EGLN3: variants seen among roughly 807,000 people sequenced by gnomAD.
EGLN3 encodes prolyl hydroxylase EGLN3.
In EGLN3, 15 loss-of-function variants were observed where a neutral mutation model predicts 26.0. That is an observed-to-expected ratio of 0.58 (90% CI 0.39 to 0.89). EGLN3 has a LOEUF of 0.89. Ranked by LOEUF, EGLN3 falls within the 40% of genes least tolerant of loss-of-function variation. EGLN3 has a pLI of 0.00. For synonymous variants in EGLN3, 147 were observed against 127.2 expected (o/e 1.16, Z -1.05); for missense variants, 238 against 311.6 (o/e 0.76, Z 1.78).
intron 1 of EGLN3, among the ~76,000 whole-genome samples, chr14:33,936,769 GAA>G (rs66651636): frequency 3.8e-5 from 5 of 131,202 alleles, no homozygotes; most frequent in Admixed American, 1.5e-4. Context: ...AAAGGCTGGA[GAA>G]AAAAAAAAAC....
At chr14:33,949,907 C>A in intron 1 of EGLN3, 3 of 220,826 alleles carry the variant, frequency 1.4e-5, no homozygotes, top group East Asian at 1.0e-4. Context: ...ACTCCACAAA[C>A]CAACTGCCAC....
chr14:33,950,294 A>G (rs761860236), intron 1 of EGLN3, 102 bp downstream of exon 1: 9 of 1,164,786 alleles, frequency 7.7e-6, no homozygotes, highest in South Asian at 3.7e-5. Flanking sequence ...TTGGTTAAAA[A>G]ACAAAGTTCG....
chr14:33,941,080 C>T (rs1325403198), intron 1 of EGLN3, among the ~76,000 whole-genome samples: 1 of 152,046 alleles, frequency 6.6e-6, no homozygotes, highest in East Asian at 1.9e-4. Flanking sequence ...TATTATTGTG[C>T]CTATGTTATA....
At chr14:33,927,951 G>T (rs1241889538) in intron 3 of EGLN3, among the ~76,000 whole-genome samples, 5 of 150,908 alleles carry the variant, frequency 3.3e-5, no homozygotes, top group South Asian at 4.2e-4. Flanking sequence ...TTCATGCTTG[G>T]TTTTTTTTTA....
chr14:33,942,814 C>T (rs980040984), intron 1 of EGLN3, among the ~76,000 whole-genome samples: 1 of 152,162 alleles, frequency 6.6e-6, no homozygotes, highest in Non-Finnish European at 1.5e-5. Flanking sequence ...ATAAGATAGG[C>T]ACATGTACTC....
rs757283847 is a variant in EGLN3, at chr14:33,929,126, G to A, written c.564C>T (p.Phe188=). The A allele has an allele frequency of 6.2e-7, 1 of 1,614,190 alleles. No individual in the cohort carries two copies. The highest frequency in any genetic ancestry group is 8.5e-7 in the Non-Finnish European group (1 of 1,180,042). ...CGTGTGGGTTCCTACGATCTGACCAGAAGAACAGGAGTCTGTCAAAAATGG... is the reference window on the plus strand; with the variant it reads ...CGTGTGGGTTCCTACGATCTGACCAAAAGAACAGGAGTCTGTCAAAAATGG... The part of the protein sequence containing the change: ...VEPIFDRLLF[F]WSDRRNPHEV... Residue 188 remains phenylalanine, a synonymous_variant, in exon 3 of 5, where the codon TTC becomes TTT. Transcript: ENST00000250457.
intron 3 of EGLN3, among the ~76,000 whole-genome samples, chr14:33,927,961 A>T (rs546438714): frequency 3.3e-5 from 5 of 151,898 alleles, no homozygotes; most frequent in Admixed American, 6.6e-5. Flanking sequence ...GTTTTTTTTT[A>T]AAGTTTCATT....
chr14:33,936,489 C>T (rs2064443760), intron 1 of EGLN3, among the ~76,000 whole-genome samples: 1 of 152,058 alleles, frequency 6.6e-6, no homozygotes, highest in South Asian at 2.1e-4. Context: ...ATGTTCAGCA[C>T]ATATTTTAAC....
chr14:33,939,221 T>TTC (rs772957526), intron 1 of EGLN3, among the ~76,000 whole-genome samples: 1 of 151,956 alleles, frequency 6.6e-6, no homozygotes, highest in East Asian at 1.9e-4. Flanking sequence ...TTTTTTTTTT[T>TTC]CTTTTTTGAG....
At chr14:33,939,689 T>A (rs2064469341) in intron 1 of EGLN3, among the ~76,000 whole-genome samples, 1 of 152,214 alleles carries the variant, frequency 6.6e-6, no homozygotes, top group Non-Finnish European at 1.5e-5. Flanking sequence ...CCCAACACTG[T>A]TCTGTGTGCT....
intron 1 of EGLN3, among the ~76,000 whole-genome samples, chr14:33,944,766 T>C (rs961756561): frequency 3.3e-5 from 5 of 152,220 alleles, no homozygotes; most frequent in Non-Finnish European, 7.3e-5. Context: ...GGTGGTTTTG[T>C]AATCACTGGG....
At position 33,929,177 on chromosome 14, in the gene EGLN3, C is replaced by T. The variant is rs1335896041; in HGVS notation, c.513G>A (p.Gly171=). 1.9e-6 allele frequency: 3 copies of T among 1,614,190 alleles called. No homozygotes were observed. Among genetic ancestry groups the T allele is most frequent in the East Asian group, 2.2e-5 (1 of 44,882 alleles). Residue 171 remains glycine, a synonymous_variant, in exon 3 of 5, where the codon GGG becomes GGA. Coordinates refer to ENST00000250457, the MANE Select transcript of EGLN3 (RefSeq NM_022073.4). The stretch of plus-strand genomic sequence containing the variant: ...GCTCCACATCTGCTATGAATGATTT[C>T]CCCTCTGGAAATATCCGCAGGATCC... ...HGGILRIFPE[G]KSFIADVEPI...
intron 1 of EGLN3, chr14:33,949,429 TAA>T (rs1376241467): frequency 2.0e-5 from 3 of 152,252 alleles, no homozygotes; most frequent in African/African-American, 7.2e-5. Context: ...GCTGTTTCAG[TAA>T]AAGTTTTCCG....
Position 33,925,794 on chromosome 14 carries a change from G to T in EGLN3, c.*97C>A, listed in dbSNP as rs796878043. On this transcript the variant is annotated 3_prime_UTR_variant, in exon 5 of 5. Transcript: ENST00000250457. ...GGATGCAAGAAGTAGCAGGGAGATT[G>T]TTGTCACTGAAGAGGCCATCTTTGG... 2.2e-6 allele frequency: 3 copies of T among 1,383,066 alleles called. No individual in the cohort carries two copies. Among genetic ancestry groups the T allele is most frequent in the South Asian group, 1.2e-5 (1 of 84,498 alleles). The allele number at this position is 1,383,066 out of a possible 1,614,324, so 85.7% of individuals were successfully genotyped here.
Position 33,950,426 on chromosome 14 carries a change from C to T in EGLN3, c.327G>A (p.Leu109=). The T allele has an allele frequency of 1.2e-6, 2 of 1,613,282 alleles. No individual in the cohort carries two copies. The highest frequency in any genetic ancestry group is 1.7e-5 in the Admixed American group (1 of 60,028). Residue 109 remains leucine, a synonymous_variant, in exon 1 of 5, where the codon CTG becomes CTA. Transcript: ENST00000250457. ...DRLVLYCGSR[L]GKYYVKERSK... is the part of the protein sequence containing the mutation. Reference sequence around the variant, plus strand: ...ACCTCTCCTTGACGTAGTATTTGCCCAGCCGGCTCCCGCAGTAGAGGACCA... The same window carrying T: ...ACCTCTCCTTGACGTAGTATTTGCCTAGCCGGCTCCCGCAGTAGAGGACCA...
At chr14:33,937,199 G>A (rs887160785) in intron 1 of EGLN3, among the ~76,000 whole-genome samples, 1 of 152,300 alleles carries the variant, frequency 6.6e-6, no homozygotes, top group Non-Finnish European at 1.5e-5. Context: ...GAACAAAAAA[G>A]GTCTCAATGT....
At chr14:33,947,736 A>T (rs998997866) in intron 1 of EGLN3, among the ~76,000 whole-genome samples, 4 of 152,172 alleles carry the variant, frequency 2.6e-5, no homozygotes, top group East Asian at 1.9e-4. Flanking sequence ...ATGTTTGAAA[A>T]TTTCCTTAAT....
intron 1 of EGLN3, 129 bp from the exon 2 acceptor site, chr14:33,931,344 C>T (rs1426907289): frequency 7.1e-7 from 1 of 1,402,042 alleles, no homozygotes; most frequent in African/African-American, 1.4e-5. Flanking sequence ...TTGCTGGCTT[C>T]TTAATTTCAT....
In EGLN3 at chr14:33,929,136, A is replaced by T; in HGVS notation, c.554T>A (p.Leu185His). 6.2e-7 allele frequency: 1 copy of T among 1,614,196 alleles called. No individual in the cohort carries two copies. Among genetic ancestry groups the T allele is most frequent in the Non-Finnish European group, 8.5e-7 (1 of 1,180,042 alleles). The stretch of plus-strand genomic sequence containing the variant: ...CCTACGATCTGACCAGAAGAACAGG[A>T]GTCTGTCAAAAATGGGCTCCACATC... ...IADVEPIFDR[L>H]LFFWSDRRNP... The change falls in exon 3 of 5, where the codon CTC becomes CAC. Residue 185 changes from leucine to histidine, a missense_variant. Leu to His is a moderately conservative substitution (Grantham distance 99). Transcript: ENST00000250457.
Sources: gnomAD v4.1 joint callset for allele counts (sites outside exome capture counted in the v4.1 genomes callset) on GRCh38, gnomAD v4.1.1 for gene constraint, MANE v1.5 for transcripts, NCBI Gene and HGNC (gene_info 2026-07-23, HGNC 2026-07-21) for gene names.